PLCXD2: variants seen among roughly 807,000 people sequenced by gnomAD.
The protein encoded by PLCXD2 is phosphatidylinositol specific phospholipase C X domain containing 2.
Under a neutral mutation model 28.6 loss-of-function variants are expected in PLCXD2, and 21 were observed. The observed-to-expected ratio is 0.73, with a 90% CI of 0.52 to 1.06. PLCXD2 has a LOEUF of 1.06. Among genes scored for constraint, PLCXD2 ranks in the 50% least tolerant of loss-of-function variants. The pLI is 0.00. For missense variants in PLCXD2, 369 were observed against 376.7 expected (o/e 0.98, Z 0.17); for synonymous variants, 140 against 150.1 (o/e 0.93, Z 0.49).
intron 1 of PLCXD2, among the ~76,000 whole-genome samples, chr3:111,698,867 C>T (rs551579156): frequency 4.6e-5 from 7 of 152,204 alleles, no homozygotes; most frequent in African/African-American, 7.2e-5. Flanking sequence ...TATTTCCCCC[C>T]CTCCTCCCCT....
chr3:111,711,723 T>A (rs978180170), intron 2 of PLCXD2, among the ~76,000 whole-genome samples: 2 of 152,136 alleles, frequency 1.3e-5, no homozygotes, highest in African/African-American at 4.8e-5. Context: ...GTATTTAGGA[T>A]CTTAATAAAA....
At chr3:111,726,082 A>G in intron 3 of PLCXD2, 1 of 389,316 alleles carries the variant, frequency 2.6e-6, no homozygotes, top group East Asian at 3.6e-5. Context: ...ACTTGGGACC[A>G]ATACTTAATT....
intron 3 of PLCXD2, among the ~76,000 whole-genome samples, chr3:111,718,649 A>T (rs1941307322): frequency 6.6e-6 from 1 of 152,100 alleles, no homozygotes; most frequent in South Asian, 2.1e-4. Flanking sequence ...GAGGAGAAGG[A>T]CAAAATGCTA....
At chr3:111,686,539 G>T (rs1327350459) in intron 1 of PLCXD2, among the ~76,000 whole-genome samples, 1 of 152,174 alleles carries the variant, frequency 6.6e-6, no homozygotes, top group Admixed American at 6.5e-5. Flanking sequence ...AAGGTTTAAA[G>T]ATGTTATCTT....
At chr3:111,685,655 A>G (rs1940783495) in intron 1 of PLCXD2, among the ~76,000 whole-genome samples, 1 of 152,198 alleles carries the variant, frequency 6.6e-6, no homozygotes, top group African/African-American at 2.4e-5. Context: ...GTTAAAGCAA[A>G]TATGGTTATC....
intron 3 of PLCXD2, among the ~76,000 whole-genome samples, chr3:111,718,464 C>CA (rs1217978727): frequency 1.4e-3 from 190 of 134,264 alleles, no homozygotes; most frequent in East Asian, 1.7e-3. Flanking sequence ...GACTCCGTCT[C>CA]AAAAAAAAAA....
chr3:111,699,168 A>G (rs903613437), intron 1 of PLCXD2, among the ~76,000 whole-genome samples: 6 of 152,172 alleles, frequency 3.9e-5, no homozygotes, highest in African/African-American at 1.2e-4. Flanking sequence ...ATCCTCACCT[A>G]CCCAGATGGG....
intron 1 of PLCXD2, among the ~76,000 whole-genome samples, chr3:111,696,710 A>G (rs1205956825): frequency 1.3e-5 from 2 of 152,334 alleles, no homozygotes; most frequent in Admixed American, 1.3e-4. Context: ...AAATACATGC[A>G]TATCCAATAT....
chr3:111,714,200 T>C, intron 3 of PLCXD2, 72 bp downstream of exon 3: 1 of 1,512,324 alleles, frequency 6.6e-7, no homozygotes, highest in Non-Finnish European at 8.9e-7. Flanking sequence ...TCTGAGTAAA[T>C]CGCAGTAAAG....
chr3:111,686,407 C>T (rs1309959194), intron 1 of PLCXD2, among the ~76,000 whole-genome samples: 3 of 152,042 alleles, frequency 2.0e-5, no homozygotes, highest in Non-Finnish European at 2.9e-5. Context: ...ATTTAATAGG[C>T]GACTGATTAA....
intron 3 of PLCXD2, chr3:111,721,737 A>G (rs1941348503): frequency 6.6e-6 from 1 of 152,338 alleles, no homozygotes; most frequent in Non-Finnish European, 1.5e-5. Flanking sequence ...GAGCACCTGC[A>G]TCATTTTGGC....
intron 3 of PLCXD2, chr3:111,723,225 T>C (rs1405377621): frequency 6.6e-6 from 1 of 152,246 alleles, no homozygotes; most frequent in African/African-American, 2.4e-5. Flanking sequence ...ATTACTGTTC[T>C]CTGTTTTATT....
At position 111,707,094 on chromosome 3, in the gene PLCXD2, C is replaced by G. The variant is rs931902889; in HGVS notation, c.164-832C>G. ...ACCAAACAGGCATAACAGACATTTACAAAACATTTCATACTATCCCTTTGT... is the reference window on the plus strand; with the variant it reads ...ACCAAACAGGCATAACAGACATTTAGAAAACATTTCATACTATCCCTTTGT... On this transcript the variant is annotated intron_variant, in intron 1 of 4. Transcript: ENST00000477665. Among the ~76,000 whole-genome samples, 2 of 152,146 alleles carry G rather than the reference C, an allele frequency of 1.3e-5. 1 individual carries two copies. The highest frequency in any genetic ancestry group is 2.9e-5 in the Non-Finnish European group (2 of 68,032).
At chr3:111,707,388 C>T (rs578168345) in intron 1 of PLCXD2, among the ~76,000 whole-genome samples, 62 of 152,260 alleles carry the variant, frequency 4.1e-4, no homozygotes, top group South Asian at 3.7e-3. Context: ...ATCCCTTTCT[C>T]GGCATTGTTG....
At chr3:111,702,759 T>C (rs1941061255) in intron 1 of PLCXD2, among the ~76,000 whole-genome samples, 1 of 152,060 alleles carries the variant, frequency 6.6e-6, no homozygotes, top group Non-Finnish European at 1.5e-5. Flanking sequence ...TCTGAAGAAA[T>C]GCTCGAATTT....
intron 1 of PLCXD2, among the ~76,000 whole-genome samples, chr3:111,682,866 A>G (rs144950777): frequency 6.6e-6 from 1 of 152,308 alleles, no homozygotes; most frequent in East Asian, 1.9e-4. Flanking sequence ...AATTTGGCTA[A>G]AAATATATGT....
chr3:111,723,812 C>A (rs750336442), intron 3 of PLCXD2: 8 of 152,182 alleles, frequency 5.3e-5, no homozygotes, highest in Non-Finnish European at 1.2e-4. Context: ...GTGACCCAAC[C>A]ACATCACTTA....
Position 111,713,886 on chromosome 3 carries a change from G to A in PLCXD2, c.625-1G>A, listed in dbSNP as rs930797879. 1.2e-6 allele frequency: 2 copies of A among 1,610,264 alleles called. No individual in the cohort carries two copies. The highest frequency in any genetic ancestry group is 1.7e-6 in the Non-Finnish European group (2 of 1,177,220). ...TCCTTTTTGTGTTTTGAATATTTCA[G>A]GTTCTTATTTTCTACCACTGTCCCT... On this transcript the variant is annotated splice_acceptor_variant, in intron 2 of 4. Transcript: ENST00000477665. LOFTEE classifies it high-confidence loss of function.
At chr3:111,675,572 TGCA>T (rs1559789172) in intron 1 of PLCXD2, among the ~76,000 whole-genome samples, 164 bp downstream of exon 1, 2 of 152,258 alleles carry the variant, frequency 1.3e-5, no homozygotes, top group Non-Finnish European at 2.9e-5. Flanking sequence ...TTAAAGAGAT[TGCA>T]GTACACTGCA....
Sources: allele counts gnomAD v4.1 joint callset (sites outside exome capture counted in the v4.1 genomes callset), GRCh38; gene constraint gnomAD v4.1.1; transcripts MANE v1.5; gene names NCBI Gene and HGNC (gene_info 2026-07-23, HGNC 2026-07-21).